Variants in CBLB observed in about 807,000 individuals in gnomAD.
The protein encoded by CBLB is E3 ubiquitin-protein ligase CBL-B.
CBLB carries 31 observed loss-of-function variants against 104.9 expected under a neutral mutation model. The ratio of observed to expected loss-of-function variants is 0.30; its 90% CI spans 0.22 to 0.40. The LOEUF (loss-of-function observed/expected upper bound fraction) is 0.40, where lower values mean the gene tolerates loss of function less well. Among genes scored for constraint, CBLB ranks in the 10% least tolerant of loss-of-function variants. The probability of loss-of-function intolerance (pLI) is 1.00; values close to 1 mark genes in which losing one functional copy is unlikely to be tolerated. For synonymous variants in CBLB, 440 were observed against 422.6 expected, an observed-to-expected ratio of 1.04 and a Z score of -0.51; for missense variants, 1,062 against 1,214.6, an observed-to-expected ratio of 0.87 and a Z score of 1.87.
chr3:105,750,368 G>C (rs1263101602), intron 5 of CBLB, among the ~76,000 whole-genome samples: 1 of 152,024 alleles, frequency 6.6e-6, no homozygotes, highest in Non-Finnish European at 1.5e-5. Flanking sequence ...TTATAAATCA[G>C]AGAAGTTCAT....
chr3:105,840,119 C>T (rs370778345), intron 3 of CBLB, among the ~76,000 whole-genome samples: 16 of 152,152 alleles, frequency 1.1e-4, no homozygotes, highest in African/African-American at 3.6e-4. Context: ...GAACAAAACG[C>T]GAAGGGTTTT....
At chr3:105,693,803 C>T (rs2068012374) in intron 12 of CBLB, among the ~76,000 whole-genome samples, 1 of 151,936 alleles carries the variant, frequency 6.6e-6, no homozygotes, top group Non-Finnish European at 1.5e-5. Context: ...AATGTTACAC[C>T]ATGATTCTTA....
At chr3:105,664,021 T>C (rs2064099618) in intron 18 of CBLB, among the ~76,000 whole-genome samples, 1 of 152,138 alleles carries the variant, frequency 6.6e-6, no homozygotes, top group Admixed American at 6.5e-5. Flanking sequence ...GGATATTTCA[T>C]TTCAGTGGCT....
At position 105,863,859 on chromosome 3, in the gene CBLB, CAATT is replaced by C. The variant is rs1007315374; in HGVS notation, c.168+3547_168+3550del. On this transcript the variant is annotated intron_variant, in intron 2 of 18. Transcript: ENST00000394030. Reference sequence around the variant, plus strand: ...CTCAGAGTGCTTTGCTCTTCAGCATCAATTAATTATTTTCTAATTTCCTAAGCAT... The same window carrying C: ...CTCAGAGTGCTTTGCTCTTCAGCATCAATTATTTTCTAATTTCCTAAGCAT... 7.2e-5 allele frequency among the ~76,000 whole-genome samples: 11 copies of C among 152,238 alleles called. No homozygotes were observed. The East Asian group carries it at 7.7e-4, about 11-fold the overall frequency.
At chr3:105,810,636 CAAT>C (rs1338785716) in intron 3 of CBLB, among the ~76,000 whole-genome samples, 3 of 152,042 alleles carry the variant, frequency 2.0e-5, no homozygotes, top group African/African-American at 7.2e-5. Context: ...CTGACCAAAT[CAAT>C]AATATTCCAT....
rs1047285715 is a variant in CBLB, at chr3:105,703,876, C to T, written c.1593+112G>A. ...TAAACTAAACGAGAAACTCATCAAA[C>T]TTATTCACAATTAAAAGCAAAAAAA... On this transcript the variant is annotated intron_variant, in intron 11 of 18. Coordinates refer to ENST00000394030, the MANE Select transcript of CBLB (RefSeq NM_170662.5). The T allele has an allele frequency of 3.2e-6, 3 of 928,602 alleles. No individual in the cohort carries two copies. In the African/African-American group the frequency reaches 4.9e-5, roughly 15 times the overall value. The allele number at this position is 928,602 out of a possible 1,614,324, so 57.5% of individuals were successfully genotyped here.
At chr3:105,856,550 T>C (rs910764658) in intron 2 of CBLB, among the ~76,000 whole-genome samples, 7 of 152,122 alleles carry the variant, frequency 4.6e-5, no homozygotes, top group African/African-American at 1.7e-4. Context: ...GCAGAATTGC[T>C]GAGTACATAA....
chr3:105,758,791 T>C (rs1233587967), intron 4 of CBLB, among the ~76,000 whole-genome samples: 1 of 152,190 alleles, frequency 6.6e-6, no homozygotes, highest in Admixed American at 6.5e-5. Context: ...GGCACCTGTG[T>C]CTGGAGGAGG....
At chr3:105,849,432 A>C (rs2090675742) in intron 3 of CBLB, among the ~76,000 whole-genome samples, 1 of 152,148 alleles carries the variant, frequency 6.6e-6, no homozygotes, top group South Asian at 2.1e-4. Context: ...TCACTTGGAC[A>C]CTTAAAATGC....
At chr3:105,824,637 A>T (rs1411480600) in intron 3 of CBLB, among the ~76,000 whole-genome samples, 2 of 151,974 alleles carry the variant, frequency 1.3e-5, no homozygotes, top group Non-Finnish European at 2.9e-5. Flanking sequence ...TCCTATTCAC[A>T]ACTAAATTAT....
intron 12 of CBLB, among the ~76,000 whole-genome samples, chr3:105,694,506 T>A (rs746177765): frequency 1.3e-5 from 2 of 151,900 alleles, no homozygotes; most frequent in African/African-American, 2.4e-5. Context: ...GCTAAATACA[T>A]GTAAAGTAAT....
intron 3 of CBLB, among the ~76,000 whole-genome samples, chr3:105,798,369 C>T (rs1345646284): frequency 2.0e-5 from 3 of 151,838 alleles, no homozygotes; most frequent in African/African-American, 7.3e-5. Context: ...TTTTTGTTTT[C>T]TCTTTGAAAT....
At chr3:105,820,292 G>A (rs2085652101) in intron 3 of CBLB, among the ~76,000 whole-genome samples, 1 of 152,172 alleles carries the variant, frequency 6.6e-6, no homozygotes, top group Non-Finnish European at 1.5e-5. Context: ...AGATGAAGCT[G>A]CCTTCATTCG....
At chr3:105,827,459 C>T (rs924763064) in intron 3 of CBLB, among the ~76,000 whole-genome samples, 7 of 151,976 alleles carry the variant, frequency 4.6e-5, no homozygotes, top group Non-Finnish European at 1.0e-4. Context: ...CTCATAAACT[C>T]CCCAAGCAAG....
At chr3:105,857,248 T>C (rs988647044) in intron 2 of CBLB, among the ~76,000 whole-genome samples, 1 of 152,212 alleles carries the variant, frequency 6.6e-6, no homozygotes, top group African/African-American at 2.4e-5. Context: ...TATCTGAACT[T>C]TTTTCTCATT....
At chr3:105,803,942 G>A (rs1171280719) in intron 3 of CBLB, among the ~76,000 whole-genome samples, 1 of 152,272 alleles carries the variant, frequency 6.6e-6, no homozygotes, top group Non-Finnish European at 1.5e-5. Context: ...AATGTCGAGA[G>A]TAAGTTTCTT....
chr3:105,777,593 C>A (rs1269029888), intron 3 of CBLB, among the ~76,000 whole-genome samples: 1 of 152,082 alleles, frequency 6.6e-6, no homozygotes, highest in Non-Finnish European at 1.5e-5. Context: ...TGCACTTCAG[C>A]ATGGGTAACA....
Position 105,656,640 on chromosome 3 carries a change from T to C in CBLB, c.*2330A>G. The C allele has an allele frequency of 8.6e-6, 1 of 115,906 alleles. No individual in the cohort carries two copies. 7.2% of individuals were successfully genotyped at this position (115,906 alleles called of 1,614,324 possible). ...CCACCCCCCACCCCCAAATTTCAGG[T>C]CCAGGTTTGCTATATCATCACTAGT... On this transcript the variant is annotated 3_prime_UTR_variant, in exon 19 of 19. Coordinates refer to ENST00000394030, the MANE Select transcript of CBLB (RefSeq NM_170662.5).
intron 9 of CBLB, among the ~76,000 whole-genome samples, chr3:105,731,419 T>C (rs1377987190): frequency 6.6e-6 from 1 of 152,234 alleles, no homozygotes; most frequent in Non-Finnish European, 1.5e-5. Flanking sequence ...GCATACAGTA[T>C]GTCACTTTGC....
Sources: allele counts gnomAD v4.1 joint callset (sites outside exome capture counted in the v4.1 genomes callset), GRCh38; gene constraint gnomAD v4.1.1; transcripts MANE v1.5; gene names NCBI Gene and HGNC (gene_info 2026-07-23, HGNC 2026-07-21).